The following SMARCA5 variants were observed in gnomAD, a reference collection of about 807,000 sequenced individuals.
SMARCA5 encodes SNF2 related chromatin remodeling ATPase 5, also known as SWI/SNF-related matrix-associated actin-dependent regulator of chromatin subfamily A member 5.
SMARCA5 carries 18 observed loss-of-function variants against 140.4 expected under a neutral mutation model. The ratio of observed to expected loss-of-function variants is 0.13; its 90% CI spans 0.09 to 0.19. The LOEUF (loss-of-function observed/expected upper bound fraction) is 0.19, where lower values mean the gene tolerates loss of function less well. Ranked by LOEUF, SMARCA5 falls within the 10% of genes least tolerant of loss-of-function variation. The probability of loss-of-function intolerance (pLI) is 1.00; values close to 1 mark genes in which losing one functional copy is unlikely to be tolerated. For synonymous variants in SMARCA5, 449 were observed against 419.6 expected (o/e 1.07, Z -0.86); for missense variants, 606 against 1,276.8 (o/e 0.47, Z 8.01).
intron 23 of SMARCA5, among the ~76,000 whole-genome samples, chr4:143,552,118 G>A (rs149088660): frequency 1.2e-3 from 175 of 151,724 alleles, no homozygotes; most frequent in African/African-American, 4.1e-3. Context: ...GAGATCTTTC[G>A]CTTCTTTGAT....
chr4:143,540,659 T>TA, intron 14 of SMARCA5, among the ~76,000 whole-genome samples, 164 bp downstream of exon 14: 1 of 152,276 alleles, frequency 6.6e-6, no homozygotes, highest in South Asian at 2.1e-4. Context: ...GTTTTGTCAT[T>TA]AAAAAGATGG....
intron 6 of SMARCA5, among the ~76,000 whole-genome samples, chr4:143,527,458 T>C (rs1737098121): frequency 6.6e-6 from 1 of 152,234 alleles, no homozygotes; most frequent in Admixed American, 6.5e-5. Context: ...CTATTAGGAA[T>C]GTGTTAATAC....
At position 143,553,176 on chromosome 4, in the gene SMARCA5, A is replaced by T; in HGVS notation, c.3151A>T (p.Lys1051Ter). 1 of 1,611,300 alleles carries T rather than the reference A, an allele frequency of 6.2e-7. No individual in the cohort carries two copies. The highest frequency in any genetic ancestry group is 8.5e-7 in the Non-Finnish European group (1 of 1,177,670). The change falls in exon 24 of 24, where the codon AAA (lysine) becomes TAA (stop). Residue 1051 changes from lysine (K) to a stop codon, truncating the protein, a stop_gained. Transcript: ENST00000283131. LOFTEE classifies it high-confidence loss of function. ...TGGTCGAGGAAGAAAAAAGAAGCTG[A>T]AACTATGAATATGTTTTTGTTTCAT... ...PDGRGRKKKL[K>*]L
At chr4:143,548,883 T>G (rs1737581669) in intron 22 of SMARCA5, among the ~76,000 whole-genome samples, 1 of 152,116 alleles carries the variant, frequency 6.6e-6, no homozygotes, top group Admixed American at 6.6e-5. Context: ...TGTAAGACAG[T>G]GGATAGTAAG....
chr4:143,524,011 G>C (rs1434343384), intron 3 of SMARCA5, among the ~76,000 whole-genome samples: 1 of 152,016 alleles, frequency 6.6e-6, no homozygotes, highest in Admixed American at 6.6e-5. Flanking sequence ...TAAACATGTG[G>C]TTTCTGGAAC....
intron 2 of SMARCA5, among the ~76,000 whole-genome samples, chr4:143,518,223 A>G (rs1181813214): frequency 6.6e-6 from 1 of 152,186 alleles, no homozygotes; most frequent in Non-Finnish European, 1.5e-5. Context: ...CGTATCTTCT[A>G]AGAAACTTCT....
At chr4:143,549,927 CT>C (rs1426215590) in intron 22 of SMARCA5, 69 bp from the exon 23 acceptor site, 1 of 800,490 alleles carries the variant, frequency 1.2e-6, no homozygotes, top group African/African-American at 1.8e-5. Flanking sequence ...TAAAACATAC[CT>C]TGTTTTAAAA....
intron 8 of SMARCA5, 34 bp from the exon 9 acceptor site, chr4:143,530,424 C>T (rs1464985019): frequency 7.0e-7 from 1 of 1,420,036 alleles, no homozygotes; most frequent in Non-Finnish European, 9.9e-7. Flanking sequence ...AATATTATCT[C>T]TGATCTGAGT....
At chr4:143,514,362 C>CA in intron 1 of SMARCA5, 2 of 456,100 alleles carry the variant, frequency 4.4e-6, no homozygotes, top group Non-Finnish European at 7.7e-6. Flanking sequence ...TGAACGCTCT[C>CA]AGTGAACAGA....
In SMARCA5 at chr4:143,555,496, A is replaced by AT. The variant is rs984179443; in HGVS notation, c.*2314dup. The AT allele has an allele frequency of 2.1e-6, 1 of 474,918 alleles. No homozygotes were observed. Among genetic ancestry groups the AT allele is most frequent in the Admixed American group, 3.1e-5 (1 of 32,648 alleles). The allele number at this position is 474,918 out of a possible 1,614,324, so 29.4% of individuals were successfully genotyped here. ...ATTCCAACACAGGGTTTCAGTGTAG[A>AT]TTGTTTTGTTTTGTACCCATGCTGT... On this transcript the variant is annotated 3_prime_UTR_variant, in exon 24 of 24. Coordinates refer to ENST00000283131, the MANE Select transcript of SMARCA5 (RefSeq NM_003601.4).
intron 14 of SMARCA5, among the ~76,000 whole-genome samples, chr4:143,543,195 C>T (rs1445199142): frequency 1.3e-5 from 2 of 152,130 alleles, no homozygotes; most frequent in South Asian, 2.1e-4. Flanking sequence ...ATGCTTCCAT[C>T]TGTTGAAACT....
At chr4:143,523,860 C>G (rs1737015195) in intron 3 of SMARCA5, among the ~76,000 whole-genome samples, 1 of 152,082 alleles carries the variant, frequency 6.6e-6, no homozygotes, top group East Asian at 1.9e-4. Flanking sequence ...TTTAGAAAAT[C>G]AGTTTTTAAG....
intron 8 of SMARCA5, among the ~76,000 whole-genome samples, chr4:143,530,003 G>A (rs1459666866): frequency 6.6e-6 from 1 of 152,070 alleles, no homozygotes; most frequent in Non-Finnish European, 1.5e-5. Flanking sequence ...TGTTGAAATC[G>A]TAACCAAATA....
In SMARCA5 at chr4:143,554,295, A is replaced by G. The variant is rs1249394730; in HGVS notation, c.*1111A>G. 1.3e-5 allele frequency: 2 copies of G among 152,160 alleles called. No homozygotes were observed. The highest frequency in any genetic ancestry group is 2.9e-5 in the Non-Finnish European group (2 of 68,014). 9.4% of individuals were successfully genotyped at this position (152,160 alleles called of 1,614,324 possible). Reference sequence around the variant, plus strand: ...AATTTTATATGTGCAGATTGGGTACATAAACAGTTCTCCATTTTTCTAAGG... The same window carrying G: ...AATTTTATATGTGCAGATTGGGTACGTAAACAGTTCTCCATTTTTCTAAGG... On this transcript the variant is annotated 3_prime_UTR_variant, in exon 24 of 24. Coordinates refer to ENST00000283131, the MANE Select transcript of SMARCA5 (RefSeq NM_003601.4).
intron 3 of SMARCA5, among the ~76,000 whole-genome samples, chr4:143,523,066 G>A (rs992894551): frequency 1.3e-5 from 2 of 152,052 alleles, no homozygotes; most frequent in Admixed American, 1.3e-4. Flanking sequence ...ACAGAGTCTT[G>A]CTCTGTGGCC....
chr4:143,518,994 G>C (rs1009714890), intron 2 of SMARCA5, among the ~76,000 whole-genome samples: 1 of 151,876 alleles, frequency 6.6e-6, no homozygotes, highest in Admixed American at 6.6e-5. Context: ...ATTTTTTCCC[G>C]TGATAATATC....
Position 143,543,510 on chromosome 4 carries a change from G to A in SMARCA5, c.1905G>A (p.Gly635=). 1 of 1,610,322 alleles carries A rather than the reference G, an allele frequency of 6.2e-7. No individual in the cohort carries two copies. The highest frequency in any genetic ancestry group is 8.5e-7 in the Non-Finnish European group (1 of 1,178,660). The part of the protein sequence containing the change: ...LRLDSIVIQQ[G]RLVDQNLNKI... Reference sequence around the variant, plus strand: ...TTATACAACACAATCTTTTTTCAGGGAGGCTTGTGGATCAGAATCTGAACA... The same window carrying A: ...TTATACAACACAATCTTTTTTCAGGAAGGCTTGTGGATCAGAATCTGAACA... The change falls in exon 15 of 24, where the codon GGG becomes GGA. Residue 635 remains glycine (G), a splice_region_variant and synonymous_variant. Transcript: ENST00000283131.
At chr4:143,522,116 C>T (rs1352495597) in intron 3 of SMARCA5, among the ~76,000 whole-genome samples, 1 of 152,050 alleles carries the variant, frequency 6.6e-6, no homozygotes, top group African/African-American at 2.4e-5. Flanking sequence ...GCTCTAGGCT[C>T]CTCCATCACA....
At chr4:143,521,055 A>G (rs1436281157) in intron 2 of SMARCA5, among the ~76,000 whole-genome samples, 1 of 152,222 alleles carries the variant, frequency 6.6e-6, no homozygotes, top group African/African-American at 2.4e-5. Context: ...AATAATTTTA[A>G]GTTTGTAATT....
Sources: gnomAD v4.1 joint callset for allele counts (sites outside exome capture counted in the v4.1 genomes callset) on GRCh38, gnomAD v4.1.1 for gene constraint, MANE v1.5 for transcripts, NCBI Gene and HGNC (gene_info 2026-07-23, HGNC 2026-07-21) for gene names.